Variants in KAZN observed in about 807,000 individuals in gnomAD.
The protein encoded by KAZN is kazrin, periplakin interacting protein, also known as kazrin.
A neutral mutation model predicts 87.4 loss-of-function variants in KAZN; 40 were observed. That is an observed-to-expected ratio of 0.46 (90% CI 0.36 to 0.60). KAZN has a LOEUF of 0.60. KAZN is among the 20% of genes least tolerant of loss of function. KAZN has a pLI of 0.00. For synonymous variants in KAZN, 466 were observed against 458.3 expected (o/e 1.02, Z -0.22); for missense variants, 898 against 1,073.9 (o/e 0.84, Z 2.29).
intron 1 of KAZN, among the ~76,000 whole-genome samples, chr1:14,656,284 A>G (rs1242560275): frequency 6.6e-6 from 1 of 152,054 alleles, no homozygotes; most frequent in East Asian, 1.9e-4. Flanking sequence ...ACTTATCCCA[A>G]TTTGCTTGGG....
chr1:14,688,812 A>G (rs1356021747), intron 1 of KAZN, among the ~76,000 whole-genome samples: 2 of 152,256 alleles, frequency 1.3e-5, no homozygotes, highest in East Asian at 3.8e-4. Flanking sequence ...GAAAAAGGCA[A>G]ATAATATGCA....
intron 2 of KAZN, among the ~76,000 whole-genome samples, chr1:14,194,432 G>A (rs1333821071): frequency 1.3e-5 from 2 of 152,134 alleles, no homozygotes; most frequent in Non-Finnish European, 2.9e-5. Flanking sequence ...CAGTTCCCTG[G>A]ACTGTTACTT....
At chr1:14,615,747 C>T (rs551032254) in intron 1 of KAZN, among the ~76,000 whole-genome samples, 2 of 152,288 alleles carry the variant, frequency 1.3e-5, no homozygotes, top group East Asian at 3.9e-4. Context: ...CCGCAACTTG[C>T]AAGAGGCATC....
intron 1 of KAZN, among the ~76,000 whole-genome samples, chr1:13,899,290 C>T (rs1262775698): frequency 6.6e-6 from 1 of 152,196 alleles, no homozygotes. Context: ...CCTCAGAAGG[C>T]AAGTGAAATC....
intron 1 of KAZN, among the ~76,000 whole-genome samples, chr1:13,946,973 TG>T (rs1447264966): frequency 6.6e-6 from 1 of 152,076 alleles, no homozygotes. Flanking sequence ...TCTGGAGGCT[TG>T]GGGGGAGAAT....
intron 1 of KAZN, among the ~76,000 whole-genome samples, chr1:14,677,595 G>A (rs1236794393): frequency 6.6e-6 from 1 of 152,110 alleles, no homozygotes; most frequent in Admixed American, 6.6e-5. Flanking sequence ...CTACCCAGAG[G>A]CTTAGGAAGA....
intron 2 of KAZN, among the ~76,000 whole-genome samples, chr1:14,375,839 G>A (rs1287289601): frequency 1.3e-5 from 2 of 151,978 alleles, no homozygotes; most frequent in Non-Finnish European, 2.9e-5. Flanking sequence ...AGTGAGCGGA[G>A]ATCACGCCAC....
intron 2 of KAZN, among the ~76,000 whole-genome samples, chr1:14,253,643 G>A (rs1250804645): frequency 3.9e-5 from 6 of 152,038 alleles, no homozygotes; most frequent in South Asian, 4.1e-4. Flanking sequence ...TTCCTTTCCA[G>A]GTGTAATGGT....
At chr1:14,189,896 G>T (rs1265240541) in intron 2 of KAZN, among the ~76,000 whole-genome samples, 1 of 152,092 alleles carries the variant, frequency 6.6e-6, no homozygotes, top group Non-Finnish European at 1.5e-5. Context: ...AGTTTAAACT[G>T]CCCTAAAGCA....
At chr1:14,126,863 T>G (rs1342147955) in intron 1 of KAZN, among the ~76,000 whole-genome samples, 3 of 152,180 alleles carry the variant, frequency 2.0e-5, no homozygotes, top group African/African-American at 7.2e-5. Flanking sequence ...CCCAGCACTT[T>G]GGGAGGCCAA....
intron 1 of KAZN, among the ~76,000 whole-genome samples, chr1:14,630,299 T>C (rs1301014388): frequency 6.6e-6 from 1 of 152,214 alleles, no homozygotes; most frequent in East Asian, 1.9e-4. Context: ...CTGTCCCTTC[T>C]GTGAAAGTGT....
chr1:14,688,136 T>C (rs566337548), intron 1 of KAZN, among the ~76,000 whole-genome samples: 75 of 152,318 alleles, frequency 4.9e-4, no homozygotes, highest in African/African-American at 1.7e-3. Context: ...CCCCTCTGCT[T>C]TTACTGTCTT....
intron 2 of KAZN, among the ~76,000 whole-genome samples, chr1:14,495,230 T>A (rs911535014): frequency 6.6e-6 from 1 of 152,316 alleles, no homozygotes; most frequent in East Asian, 1.9e-4. Context: ...GTAGATTTCA[T>A]TGAAGGTCAA....
chr1:14,519,203 CT>C (rs1460560146), intron 2 of KAZN, among the ~76,000 whole-genome samples: 1 of 151,962 alleles, frequency 6.6e-6, no homozygotes, highest in Non-Finnish European at 1.5e-5. Context: ...GAAATAGCCC[CT>C]GACTACACAG....
chr1:14,918,708 AT>A (rs59893190), intron 1 of KAZN, among the ~76,000 whole-genome samples: 15 of 3,502 alleles, frequency 4.3e-3, no homozygotes, highest in Admixed American at 5.7e-3. Context: ...AAAAAAAAAA[AT>A]ATATATATAT....
chr1:14,055,129 T>TC (rs752593551), intron 1 of KAZN, among the ~76,000 whole-genome samples: 2 of 152,214 alleles, frequency 1.3e-5, no homozygotes, highest in Non-Finnish European at 2.9e-5. Flanking sequence ...GAACCATCGG[T>TC]CTAGGATTGA....
At chr1:14,367,526 TG>T (rs1660115259) in intron 2 of KAZN, among the ~76,000 whole-genome samples, 1 of 151,964 alleles carries the variant, frequency 6.6e-6, no homozygotes, top group Non-Finnish European at 1.5e-5. Flanking sequence ...AAAATAGGGG[TG>T]TAAGTTCTCA....
At chr1:14,725,235 C>A (rs938828047) in intron 1 of KAZN, among the ~76,000 whole-genome samples, 3 of 152,152 alleles carry the variant, frequency 2.0e-5, no homozygotes, top group African/African-American at 4.8e-5. Context: ...CTGGAATATT[C>A]TTCTCCCTCC....
At chr1:14,219,126 G>A (rs1341930901) in intron 2 of KAZN, among the ~76,000 whole-genome samples, 1 of 152,058 alleles carries the variant, frequency 6.6e-6, no homozygotes, top group Non-Finnish European at 1.5e-5. Context: ...AACAAATGTG[G>A]AGAGACCAAA....
Sources: gnomAD v4.1 joint callset for allele counts (sites outside exome capture counted in the v4.1 genomes callset) on GRCh38, gnomAD v4.1.1 for gene constraint, MANE v1.5 for transcripts, NCBI Gene and HGNC (gene_info 2026-07-23, HGNC 2026-07-21) for gene names.